Variants in POLR1B observed in about 807,000 individuals in gnomAD.
The protein encoded by POLR1B is RNA polymerase I subunit B.
POLR1B carries 30 observed loss-of-function variants against 105.8 expected under a neutral mutation model. The ratio of observed to expected loss-of-function variants is 0.28; its 90% confidence interval spans 0.21 to 0.38. POLR1B has a LOEUF of 0.38. POLR1B is among the 10% of genes least tolerant of loss of function. The probability of loss-of-function intolerance (pLI) is 1.00; values close to 1 mark genes in which losing one functional copy is unlikely to be tolerated. For synonymous variants in POLR1B, 485 were observed against 505.1 expected (o/e 0.96, Z 0.53); for missense variants, 976 against 1,435.8 (o/e 0.68, Z 5.17).
At chr2:112,545,699 G>A in intron 1 of POLR1B, 2 of 162,756 alleles carry the variant, frequency 1.2e-5, no homozygotes, top group Non-Finnish European at 2.7e-5. Context: ...GAATGCAGTG[G>A]CATGGTTATA....
chr2:112,575,106 T>C lies in POLR1B; in HGVS notation c.2785T>C (p.Leu929=), dbSNP rs141158385. 1 of 1,614,104 alleles carries C rather than the reference T, an allele frequency of 6.2e-7. No individual in the cohort carries two copies. The highest frequency in any genetic ancestry group is 1.3e-5 in the African/African-American group (1 of 75,026). The stretch of plus-strand genomic sequence containing the variant: ...TCCATCCCGCATGACCATTGGGATG[T>C]TAATTGAGAGTATGGCCGGGAAGTC... ...GFPSRMTIGM[L]IESMAGKSAA... The change falls in exon 15 of 15, where the codon TTA becomes CTA. Residue 929 remains leucine (L), a synonymous_variant. Transcript: ENST00000263331. The surrounding 1 kb of genome is among the most constrained non-coding windows in gnomAD (Gnocchi z 5.3).
At chr2:112,555,125 G>A (rs1374547925) in intron 7 of POLR1B, among the ~76,000 whole-genome samples, 1 of 152,160 alleles carries the variant, frequency 6.6e-6, no homozygotes, top group Non-Finnish European at 1.5e-5. Flanking sequence ...AGGTTACAGT[G>A]AGTTGAGATC....
rs1381689169 is a variant in POLR1B, at chr2:112,577,129, TATAAG to T, written c.*1403_*1407del. 2 of 152,382 alleles carry T rather than the reference TATAAG, an allele frequency of 1.3e-5. No individual in the cohort carries two copies. Among genetic ancestry groups the T allele is most frequent in the Admixed American group, 6.5e-5 (1 of 15,312 alleles). 9.4% of individuals were successfully genotyped at this position (152,382 alleles called of 1,614,324 possible). On this transcript the variant is annotated 3_prime_UTR_variant, in exon 15 of 15. Coordinates refer to ENST00000263331, the MANE Select transcript of POLR1B (RefSeq NM_019014.6). ...ATCATCTTGTATATACTTCTGCAAT[TATAAG>T]ATGTTTTTTGATGATGAAAGCTTTC...
At chr2:112,557,804 T>C in intron 7 of POLR1B, 106 bp from the exon 8 acceptor site, 1 of 570,332 alleles carries the variant, frequency 1.8e-6, no homozygotes, top group Non-Finnish European at 2.6e-6. Flanking sequence ...CAGTCTCATG[T>C]TGAACTCTTG....
At chr2:112,561,572 G>A (rs1217303741) in intron 9 of POLR1B, among the ~76,000 whole-genome samples, 1 of 152,216 alleles carries the variant, frequency 6.6e-6, no homozygotes, top group South Asian at 2.1e-4. Flanking sequence ...ACAGGGTAAG[G>A]TTCCTTCAAG....
At chr2:112,544,691 G>C (rs1437673) in intron 1 of POLR1B, among the ~76,000 whole-genome samples, 82,140 of 151,856 alleles carry the variant, frequency 0.54, 22,479 homozygotes, top group Middle Eastern at 0.68. Flanking sequence ...TAATAATATA[G>C]TATTTGAAAA....
intron 10 of POLR1B, among the ~76,000 whole-genome samples, chr2:112,565,679 C>G (rs900111153): frequency 1.2e-4 from 19 of 152,042 alleles, no homozygotes; most frequent in African/African-American, 4.6e-4. Context: ...CCCACCTCAG[C>G]TTGCCAAGCA....
intron 9 of POLR1B, among the ~76,000 whole-genome samples, chr2:112,563,459 A>G (rs1252622020): frequency 1.3e-5 from 2 of 152,176 alleles, no homozygotes; most frequent in African/African-American, 4.8e-5. Flanking sequence ...CATTTTACCC[A>G]CAGAGGAGAT....
At chr2:112,562,893 T>C (rs1023601091) in intron 9 of POLR1B, among the ~76,000 whole-genome samples, 3 of 150,802 alleles carry the variant, frequency 2.0e-5, no homozygotes, top group Non-Finnish European at 4.4e-5. Flanking sequence ...GCCCGGATAA[T>C]TTTTTTTGTA....
chr2:112,571,215 A>G (rs1487274194), intron 12 of POLR1B, among the ~76,000 whole-genome samples: 3 of 152,268 alleles, frequency 2.0e-5, no homozygotes, highest in East Asian at 1.9e-4. Flanking sequence ...GCAGATTCCA[A>G]TGTCTGGGTC....
chr2:112,542,585 C>T lies in POLR1B; in HGVS notation c.91C>T (p.Gln31Ter). 6.2e-7 allele frequency: 1 copy of T among 1,614,212 alleles called. No homozygotes were observed. The highest frequency in any genetic ancestry group is 2.2e-5 in the East Asian group (1 of 44,888). ...DPSYGIPREQ[Q>*]KAALQELTRA... ...CTCTTATGGAATCCCGCGGGAACAG[C>T]AAAAGGCAGCGTTGCAGGAGCTGAC... Residue 31 changes from glutamine to a stop codon, truncating the protein, a stop_gained, in exon 1 of 15, where the codon CAA (glutamine) becomes TAA (stop). Transcript: ENST00000263331. LOFTEE classifies it high-confidence loss of function.
intron 4 of POLR1B, among the ~76,000 whole-genome samples, chr2:112,549,616 C>T (rs1683258223): frequency 6.6e-6 from 1 of 151,480 alleles, no homozygotes; most frequent in Non-Finnish European, 1.5e-5. Context: ...AGATTACATG[C>T]ATGAGCCACC....
rs755816458 is a variant in POLR1B at position 112,568,707 on chromosome 2, G to A, written c.1918-39G>A. 11 of 1,604,146 alleles carry A rather than the reference G, an allele frequency of 6.9e-6. No homozygotes were observed. The Middle Eastern group carries it at 7.7e-4, about 112-fold the overall frequency. ...AATGGTAAGAGTAAATGTGTAACCA[G>A]TTGCAGTTATTTTGTGCCTTGGACA... On this transcript the variant is annotated intron_variant, in intron 11 of 14. Coordinates refer to ENST00000263331, the MANE Select transcript of POLR1B (RefSeq NM_019014.6).
intron 11 of POLR1B, 120 bp from the exon 12 acceptor site, chr2:112,568,626 C>G (rs1684427010): frequency 1.7e-6 from 2 of 1,145,638 alleles, no homozygotes; most frequent in African/African-American, 1.5e-5. Context: ...CTTCAGCACT[C>G]ATGATGCTGG....
intron 7 of POLR1B, among the ~76,000 whole-genome samples, chr2:112,554,054 C>T (rs1365972519): frequency 6.6e-6 from 1 of 152,176 alleles, no homozygotes; most frequent in Non-Finnish European, 1.5e-5. Flanking sequence ...TCTCGAACTC[C>T]TGACCTCAGG....
chr2:112,568,902 G>C lies in POLR1B; in HGVS notation c.2074G>C (p.Gly692Arg). 6.2e-7 allele frequency: 1 copy of C among 1,613,342 alleles called. No homozygotes were observed. The highest frequency in any genetic ancestry group is 8.5e-7 in the Non-Finnish European group (1 of 1,179,636). ...ACGGAACATGTACCAATGCCAGATG[G>C]GTAAGGAAGAGGGATGATGTTACAG... Reference protein sequence around the residue: ...SPRNMYQCQMGKQTMGFPLLT... With the variant: ...SPRNMYQCQMRKQTMGFPLLT... The change falls in exon 12 of 15, where the codon GGT becomes CGT. Residue 692 changes from glycine to arginine, a missense_variant and splice_region_variant. This residue lies in a region of POLR1B where 3 missense variants were observed against 26.2 expected (regional missense o/e 0.11). Transcript: ENST00000263331.
chr2:112,568,278 ACCT>A (rs1684408817), intron 11 of POLR1B, 141 bp downstream of exon 11: 2 of 830,116 alleles, frequency 2.4e-6, no homozygotes, highest in Non-Finnish European at 3.7e-6. Flanking sequence ...CAGACTTTCC[ACCT>A]CCTCTATGAT....
rs1198568759 is a variant in POLR1B at position 112,550,382 on chromosome 2, C to T, written c.626-484C>T. Among the ~76,000 whole-genome samples, 4 of 152,310 alleles carry T rather than the reference C, an allele frequency of 2.6e-5. No homozygotes were observed. The East Asian group carries it at 5.8e-4, about 22-fold the overall frequency. The stretch of plus-strand genomic sequence containing the variant: ...CCTGATAGTTGAGCTAAAAATCAGA[C>T]CTTAATTATAGCCATACATACTATA... On this transcript the variant is annotated intron_variant, in intron 4 of 14. Coordinates refer to ENST00000263331, the MANE Select transcript of POLR1B (RefSeq NM_019014.6).
At chr2:112,557,703 A>C (rs1439158821) in intron 7 of POLR1B, among the ~76,000 whole-genome samples, 1 of 152,106 alleles carries the variant, frequency 6.6e-6, no homozygotes, top group Non-Finnish European at 1.5e-5. Context: ...CAGCCTCCCA[A>C]GTAGCTGGAA....
Sources: allele counts gnomAD v4.1 joint callset (sites outside exome capture counted in the v4.1 genomes callset), GRCh38; gene constraint gnomAD v4.1.1; regional missense constraint gnomAD v4.1.1; non-coding constraint Gnocchi (gnomAD v3.1); transcripts MANE v1.5; gene names NCBI Gene and HGNC (gene_info 2026-07-23, HGNC 2026-07-21).